The following CACNA2D3 variants were observed in gnomAD, a reference collection of about 807,000 sequenced individuals.
The protein encoded by CACNA2D3 is calcium voltage-gated channel auxiliary subunit alpha2delta 3, also known as voltage-dependent calcium channel subunit alpha-2/delta-3.
In CACNA2D3, 60 loss-of-function variants were observed where a neutral mutation model predicts 160.6. The observed-to-expected ratio is 0.37, with a 90% CI of 0.30 to 0.46. The LOEUF (loss-of-function observed/expected upper bound fraction) is 0.46. CACNA2D3 is among the 20% of genes least tolerant of loss of function. The probability of loss-of-function intolerance (pLI) is 1.00; values close to 1 mark genes in which losing one functional copy is unlikely to be tolerated. For synonymous variants in CACNA2D3, 558 were observed against 492.9 expected, an observed-to-expected ratio of 1.13 and a Z score of -1.75; for missense variants, 1,205 against 1,365.0, an observed-to-expected ratio of 0.88 and a Z score of 1.85.
chr3:54,840,879 C>T (rs1443310081), intron 16 of CACNA2D3, among the ~76,000 whole-genome samples: 1 of 151,192 alleles, frequency 6.6e-6, no homozygotes, highest in Non-Finnish European at 1.5e-5. Context: ...CCCGCCACCA[C>T]ACCTGGCTGA....
chr3:55,018,064 GA>G, intron 34 of CACNA2D3, 141 bp from the exon 35 acceptor site: 1 of 604,330 alleles, frequency 1.7e-6, no homozygotes, highest in Non-Finnish European at 3.0e-6. Context: ...TGACTAATTA[GA>G]AAATAATGCA....
chr3:55,073,681 A>AGAGT, intron 36 of CACNA2D3, 96 bp from the exon 37 acceptor site: 9 of 1,220,504 alleles, frequency 7.4e-6, no homozygotes, highest in Non-Finnish European at 1.1e-5. Context: ...TTGGAGAGAG[A>AGAGT]GAGTAGTTAA....
chr3:54,309,115 G>A (rs1703673521), intron 2 of CACNA2D3, among the ~76,000 whole-genome samples: 1 of 152,228 alleles, frequency 6.6e-6, no homozygotes. Flanking sequence ...TCATTTCAGA[G>A]CCTCAGATGC....
At chr3:54,446,895 T>A (rs1173786592) in intron 4 of CACNA2D3, among the ~76,000 whole-genome samples, 1 of 152,108 alleles carries the variant, frequency 6.6e-6, no homozygotes, top group Non-Finnish European at 1.5e-5. Context: ...ACCAAGTGAG[T>A]GTCTCTGAAC....
chr3:54,535,571 T>C (rs1287263074), intron 5 of CACNA2D3, among the ~76,000 whole-genome samples: 6 of 152,378 alleles, frequency 3.9e-5, no homozygotes, highest in Non-Finnish European at 8.8e-5. Flanking sequence ...TCCTTTGTTT[T>C]ATGTGGATGT....
At chr3:54,785,054 G>C (rs1055253725) in intron 13 of CACNA2D3, among the ~76,000 whole-genome samples, 3 of 152,280 alleles carry the variant, frequency 2.0e-5, no homozygotes, top group Non-Finnish European at 2.9e-5. Flanking sequence ...CTCAGAACCA[G>C]AGTAACTGCA....
intron 5 of CACNA2D3, among the ~76,000 whole-genome samples, chr3:54,543,727 A>G (rs1444650036): frequency 6.6e-6 from 1 of 152,150 alleles, no homozygotes; most frequent in Non-Finnish European, 1.5e-5. Flanking sequence ...AGATTTTTTA[A>G]AAATACTCTT....
At chr3:54,594,768 AT>A (rs1214198216) in intron 9 of CACNA2D3, among the ~76,000 whole-genome samples, 1 of 152,188 alleles carries the variant, frequency 6.6e-6, no homozygotes, top group Non-Finnish European at 1.5e-5. Context: ...GATTCTCATG[AT>A]TATTACCAGT....
intron 21 of CACNA2D3, among the ~76,000 whole-genome samples, chr3:54,883,704 A>G (rs527670349): frequency 1.3e-5 from 2 of 151,776 alleles, no homozygotes; most frequent in East Asian, 2.0e-4. Flanking sequence ...TCCTTCTGCC[A>G]TGAGCACCCT....
At chr3:54,243,745 C>CA (rs1702016385) in intron 2 of CACNA2D3, among the ~76,000 whole-genome samples, 1 of 152,174 alleles carries the variant, frequency 6.6e-6, no homozygotes. Flanking sequence ...AACAACTGGG[C>CA]AAAAAGCACC....
intron 27 of CACNA2D3, among the ~76,000 whole-genome samples, chr3:54,920,847 A>C (rs1700825418): frequency 6.6e-6 from 1 of 152,176 alleles, no homozygotes; most frequent in Non-Finnish European, 1.5e-5. Context: ...CCCCAGACTT[A>C]AGAACTGTGT....
intron 2 of CACNA2D3, among the ~76,000 whole-genome samples, chr3:54,282,292 A>C (rs1050557684): frequency 1.1e-4 from 16 of 152,234 alleles, no homozygotes; most frequent in African/African-American, 3.4e-4. Flanking sequence ...TTTTTTAATA[A>C]ATTAACATAG....
At chr3:54,656,637 C>T (rs942989162) in intron 11 of CACNA2D3, among the ~76,000 whole-genome samples, 1 of 152,226 alleles carries the variant, frequency 6.6e-6, no homozygotes, top group African/African-American at 2.4e-5. Flanking sequence ...AAATTAGGGG[C>T]CCACAGGCCT....
chr3:54,635,200 C>T (rs891522985), intron 10 of CACNA2D3, among the ~76,000 whole-genome samples: 2 of 151,676 alleles, frequency 1.3e-5, no homozygotes, highest in African/African-American at 4.9e-5. Context: ...TTTGTATGAA[C>T]TGAAAAACTA....
At chr3:54,391,476 T>G (rs989935866) in intron 4 of CACNA2D3, among the ~76,000 whole-genome samples, 1 of 151,926 alleles carries the variant, frequency 6.6e-6, no homozygotes, top group Non-Finnish European at 1.5e-5. Flanking sequence ...GTGCTTGGCC[T>G]TCATTGGCGG....
At chr3:55,051,640 G>A (rs1257924884) in intron 35 of CACNA2D3, among the ~76,000 whole-genome samples, 2 of 152,116 alleles carry the variant, frequency 1.3e-5, no homozygotes, top group Non-Finnish European at 2.9e-5. Flanking sequence ...CACCCAGTTC[G>A]AGCTTCCGGG....
At chr3:54,835,110 A>G (rs922811432) in intron 14 of CACNA2D3, among the ~76,000 whole-genome samples, 1 of 152,232 alleles carries the variant, frequency 6.6e-6, no homozygotes, top group Non-Finnish European at 1.5e-5. Context: ...CCATGTCACC[A>G]TGAGTTCCCA....
chr3:54,654,652 C>T (rs936660785), intron 11 of CACNA2D3, among the ~76,000 whole-genome samples: 13 of 152,042 alleles, frequency 8.6e-5, no homozygotes, highest in African/African-American at 3.1e-4. Flanking sequence ...GGCATGCCGG[C>T]GGGCAAGTGC....
intron 2 of CACNA2D3, among the ~76,000 whole-genome samples, chr3:54,141,104 T>TGC (rs1376500544): frequency 6.2e-4 from 63 of 101,082 alleles, no homozygotes; most frequent in Middle Eastern, 4.2e-3. Context: ...CGCGCGTGTG[T>TGC]GCATGCATGC....
Sources: gnomAD v4.1 joint callset for allele counts (sites outside exome capture counted in the v4.1 genomes callset) on GRCh38, gnomAD v4.1.1 for gene constraint, MANE v1.5 for transcripts, NCBI Gene and HGNC (gene_info 2026-07-23, HGNC 2026-07-21) for gene names.